The following CCDC158 variants were observed in gnomAD, a reference collection of about 807,000 sequenced individuals.
CCDC158 encodes coiled-coil domain-containing protein 158.
Under a neutral mutation model 138.6 loss-of-function variants are expected in CCDC158, and 116 were observed. The ratio of observed to expected loss-of-function variants is 0.84; its 90% CI spans 0.72 to 0.98. The LOEUF (loss-of-function observed/expected upper bound fraction) is 0.98. CCDC158 is among the 50% of genes least tolerant of loss of function. The pLI is 0.00. For missense variants in CCDC158, 1,265 were observed against 1,306.1 expected, an observed-to-expected ratio of 0.97 and a Z score of 0.48; for synonymous variants, 436 against 442.4, an observed-to-expected ratio of 0.99 and a Z score of 0.18.
At chr4:76,354,747 C>T (rs1459293289) in intron 15 of CCDC158, among the ~76,000 whole-genome samples, 6 of 152,180 alleles carry the variant, frequency 3.9e-5, no homozygotes, top group African/African-American at 1.2e-4. Context: ...TGAACCACAT[C>T]CATCCACATC....
chr4:76,318,602 A>C (rs964978304), intron 24 of CCDC158, among the ~76,000 whole-genome samples: 1 of 152,230 alleles, frequency 6.6e-6, no homozygotes, highest in Non-Finnish European at 1.5e-5. Flanking sequence ...ATTGGTACCC[A>C]TCTTAATGAA....
intron 6 of CCDC158, 31 bp from the exon 7 acceptor site, chr4:76,383,769 T>C: frequency 6.8e-7 from 1 of 1,460,032 alleles, no homozygotes; most frequent in Non-Finnish European, 9.6e-7. Flanking sequence ...CTGATTTAGT[T>C]ACTGGTAAAT....
At chr4:76,420,510 C>A (rs1363734250) in intron 1 of CCDC158, among the ~76,000 whole-genome samples, 1 of 152,154 alleles carries the variant, frequency 6.6e-6, no homozygotes, top group East Asian at 1.9e-4. Context: ...AAGCTCTGAC[C>A]CCCACATGTG....
At position 76,353,232 on chromosome 4, in the gene CCDC158, C is replaced by A; in HGVS notation, c.2336G>T (p.Ser779Ile). The change falls in exon 16 of 25, where the codon AGT becomes ATT. Residue 779 changes from serine (S) to isoleucine (I), a missense_variant. Coordinates refer to ENST00000682701, the MANE Select transcript of CCDC158 (RefSeq NM_001394954.1). ...CTTGTTTTTTTCTGTGGCAACAGTACTCAATTCCTGACTGAGTTTACTTTT... is the reference window on the plus strand; with the variant it reads ...CTTGTTTTTTTCTGTGGCAACAGTAATCAATTCCTGACTGAGTTTACTTTT... ...EEKSKLSQEL[S>I]TVATEKNKMA... is the part of the protein sequence containing the mutation. The A allele has an allele frequency of 6.2e-7, 1 of 1,613,188 alleles. No individual in the cohort carries two copies. Among genetic ancestry groups the A allele is most frequent in the Non-Finnish European group, 8.5e-7 (1 of 1,179,626 alleles).
At chr4:76,397,125 T>C (rs1275060229) in intron 3 of CCDC158, among the ~76,000 whole-genome samples, 2 of 151,804 alleles carry the variant, frequency 1.3e-5, no homozygotes, top group African/African-American at 2.4e-5. Context: ...CTTGAGGAGG[T>C]AGAGGTTAAT....
At chr4:76,410,824 GT>G (rs1194123700) in intron 2 of CCDC158, among the ~76,000 whole-genome samples, 7 of 152,166 alleles carry the variant, frequency 4.6e-5, no homozygotes, top group Non-Finnish European at 7.4e-5. Context: ...CTCAGTGTCT[GT>G]TTTCTCAATC....
chr4:76,334,003 G>A lies in CCDC158; in HGVS notation c.2822+7C>T, dbSNP rs1721235530. 6.3e-7 allele frequency: 1 copy of A among 1,599,152 alleles called. No homozygotes were observed. Reference sequence around the variant, plus strand: ...AGCTTTCCCATTCTGTGTGCACACAGCCTTACACAGCCACATACAAGGCTC... The same window carrying A: ...AGCTTTCCCATTCTGTGTGCACACAACCTTACACAGCCACATACAAGGCTC... On this transcript the variant is annotated splice_region_variant and intron_variant, in intron 19 of 24. Transcript: ENST00000682701.
intron 9 of CCDC158, among the ~76,000 whole-genome samples, chr4:76,372,705 A>T (rs1725355292): frequency 6.6e-6 from 1 of 152,174 alleles, no homozygotes; most frequent in Non-Finnish European, 1.5e-5. Flanking sequence ...ATTTTGTTCA[A>T]CTATTAATAT....
Position 76,323,374 on chromosome 4 carries a change from T to TAA in CCDC158, c.3204_3205insTT (p.Thr1069LeufsTer10). The TAA allele has an allele frequency of 6.2e-7, 1 of 1,611,890 alleles. No individual in the cohort carries two copies. Among genetic ancestry groups the TAA allele is most frequent in the Non-Finnish European group, 8.5e-7 (1 of 1,178,946 alleles). Reference sequence around the variant, plus strand: ...AGTCTGTTCTGAAGCTTCCTGCATGTTTTTCCTGTTGTTTCTATTGGCGGA... The same window carrying TAA: ...AGTCTGTTCTGAAGCTTCCTGCATGTAATTTTCCTGTTGTTTCTATTGGCGGA... On this transcript the variant is annotated frameshift_variant, in exon 24 of 25. Transcript: ENST00000682701. LOFTEE classifies it high-confidence loss of function.
At chr4:76,394,081 A>G (rs1219467860) in intron 4 of CCDC158, among the ~76,000 whole-genome samples, 1 of 152,132 alleles carries the variant, frequency 6.6e-6, no homozygotes, top group Non-Finnish European at 1.5e-5. Context: ...AGGTCTCTCA[A>G]AAAACTAAAA....
chr4:76,316,174 A>G (rs1260930610), intron 24 of CCDC158, among the ~76,000 whole-genome samples: 1 of 152,236 alleles, frequency 6.6e-6, no homozygotes, highest in Non-Finnish European at 1.5e-5. Flanking sequence ...TGGAGATACC[A>G]GAGAAAGGTA....
chr4:76,342,797 C>T (rs553396848), intron 18 of CCDC158, among the ~76,000 whole-genome samples: 1 of 152,308 alleles, frequency 6.6e-6, no homozygotes, highest in African/African-American at 2.4e-5. Context: ...TTAAAACTTA[C>T]AGTACCTGCA....
At chr4:76,418,267 T>TTGGGAA (rs1177989757) in intron 1 of CCDC158, among the ~76,000 whole-genome samples, 2 of 151,858 alleles carry the variant, frequency 1.3e-5, no homozygotes, top group Non-Finnish European at 2.9e-5. Flanking sequence ...GGTGCTGGGG[T>TTGGGAA]TGGGAATGGG....
chr4:76,358,702 G>A (rs2110201933), intron 13 of CCDC158, among the ~76,000 whole-genome samples: 1 of 152,228 alleles, frequency 6.6e-6, no homozygotes, highest in South Asian at 2.1e-4. Context: ...CTTCCTACAG[G>A]AGGTAAATTC....
intron 24 of CCDC158, among the ~76,000 whole-genome samples, chr4:76,322,984 T>A (rs532687826): frequency 6.6e-6 from 1 of 152,200 alleles, no homozygotes; most frequent in East Asian, 1.9e-4. Context: ...ATAGACCTAA[T>A]AGCAACAAGA....
rs1431118507 is a variant in CCDC158, at chr4:76,351,105, C to A, written c.2555G>T (p.Gly852Val). ...TTTCAATGAAGAATTTGAGGTGTATCCAGGGCCCTGAAGTTCCTGGAAAAC... is the reference window on the plus strand; with the variant it reads ...TTTCAATGAAGAATTTGAGGTGTATACAGGGCCCTGAAGTTCCTGGAAAAC... The part of the protein sequence containing the change: ...TLDIKELQGP[G>V]YTSNSSLKPR... The change falls in exon 18 of 25, where the codon GGA becomes GTA. Residue 852 changes from glycine (G) to valine (V), a missense_variant. Physicochemically the swap from Gly to Val is moderately radical, Grantham distance 109. Transcript: ENST00000682701. The A allele has an allele frequency of 6.2e-7, 1 of 1,613,036 alleles. No individual in the cohort carries two copies. The highest frequency in any genetic ancestry group is 8.5e-7 in the Non-Finnish European group (1 of 1,179,480).
At position 76,362,123 on chromosome 4, in the gene CCDC158, T is replaced by C. The variant is rs751187354; in HGVS notation, c.2020+3A>G. 6 of 1,612,140 alleles carry C rather than the reference T, an allele frequency of 3.7e-6. No homozygotes were observed. Among genetic ancestry groups the C allele is most frequent in the Admixed American group, 1.7e-5 (1 of 60,004 alleles). On this transcript the variant is annotated splice_donor_region_variant and intron_variant, in intron 13 of 24. Transcript: ENST00000682701. ...TAGTAGGATTTGTGCTGAAGCAACATACCTGAAAGATTGTTTAATTCACTC... is the reference window on the plus strand; with the variant it reads ...TAGTAGGATTTGTGCTGAAGCAACACACCTGAAAGATTGTTTAATTCACTC...
At position 76,366,638 on chromosome 4, in the gene CCDC158, A is replaced by C. The variant is rs2102577; in HGVS notation, c.1830+656T>G. On this transcript the variant is annotated intron_variant, in intron 12 of 24. Coordinates refer to ENST00000682701, the MANE Select transcript of CCDC158 (RefSeq NM_001394954.1). ...ACACTGCTACATAAACACACACACA[A>C]ACACACACACACACACACACGGCAA... Among the ~76,000 whole-genome samples, 1,182 of 147,818 alleles carry C rather than the reference A, an allele frequency of 8.0e-3. 15 individuals carry two copies. The highest frequency in any genetic ancestry group is 0.023 in the African/African-American group (921 of 39,324).
At chr4:76,328,503 T>TG (rs1288969576) in intron 22 of CCDC158, among the ~76,000 whole-genome samples, 1 of 152,218 alleles carries the variant, frequency 6.6e-6, no homozygotes, top group African/African-American at 2.4e-5. Context: ...AGACTGGTCT[T>TG]GAACTCCTAG....
Sources: allele counts gnomAD v4.1 joint callset (sites outside exome capture counted in the v4.1 genomes callset), GRCh38; gene constraint gnomAD v4.1.1; transcripts MANE v1.5; gene names NCBI Gene and HGNC (gene_info 2026-07-23, HGNC 2026-07-21).